CDC42BPA: variants seen among roughly 807,000 people sequenced by gnomAD.
The protein encoded by CDC42BPA is CDC42 binding protein kinase alpha.
A neutral mutation model predicts 223.5 loss-of-function variants in CDC42BPA; 80 were observed. That is an observed-to-expected ratio of 0.36 (90% CI 0.30 to 0.43). The LOEUF is 0.43. CDC42BPA is among the 20% of genes least tolerant of loss of function. The pLI is 1.00. For missense variants in CDC42BPA, 1,743 were observed against 2,099.9 expected (o/e 0.83, Z 3.32); for synonymous variants, 694 against 718.6 (o/e 0.97, Z 0.55).
At chr1:227,241,396 T>A (rs899303770) in intron 2 of CDC42BPA, among the ~76,000 whole-genome samples, 3 of 152,078 alleles carry the variant, frequency 2.0e-5, no homozygotes, top group African/African-American at 7.2e-5. Context: ...TAGGAGAATA[T>A]TCATATCAGC....
intron 4 of CDC42BPA, among the ~76,000 whole-genome samples, chr1:227,195,309 T>G (rs1222604446): frequency 2.6e-5 from 4 of 152,106 alleles, no homozygotes. Flanking sequence ...TTCTCATGCC[T>G]CAGCTTCCCA....
Position 227,112,790 on chromosome 1 carries a change from T to C in CDC42BPA, c.1771A>G (p.Thr591Ala), listed in dbSNP as rs1157009073. Residue 591 changes from threonine (T) to alanine (A), a missense_variant, in exon 13 of 37, where the codon ACC (threonine) becomes GCC (alanine). Around this residue, in one of 6 missense-constraint regions of CDC42BPA, gnomAD observed 464 missense variants for 488.0 expected, o/e 0.95. Transcript: ENST00000366766. ...TGGCGAGCAAGTTTCTGTTTTTGGG[T>C]GTGCAATTCTGTTAGCCGCTCATTG... ...EINERLTELHTQKQKLARHVR... is the reference protein window; with the variant it reads ...EINERLTELHAQKQKLARHVR... 3.7e-6 allele frequency: 6 copies of C among 1,614,110 alleles called. No homozygotes were observed. Among genetic ancestry groups the C allele is most frequent in the Middle Eastern group, 1.6e-4 (1 of 6,062 alleles).
At chr1:227,104,786 T>C (rs555398451) in intron 14 of CDC42BPA, among the ~76,000 whole-genome samples, 1 of 151,978 alleles carries the variant, frequency 6.6e-6, no homozygotes, top group Non-Finnish European at 1.5e-5. Context: ...GAGATCAGGG[T>C]GATGTATCTT....
intron 17 of CDC42BPA, 93 bp downstream of exon 17, chr1:227,080,800 A>G: frequency 7.2e-7 from 1 of 1,386,660 alleles, no homozygotes; most frequent in Non-Finnish European, 1.0e-6. Context: ...GACAAATGAG[A>G]TAAAAACCAT....
chr1:227,270,136 A>C (rs575446735), intron 1 of CDC42BPA, among the ~76,000 whole-genome samples: 2 of 152,328 alleles, frequency 1.3e-5, no homozygotes, highest in African/African-American at 4.8e-5. Context: ...AAGTAGACCC[A>C]CATGAATTAA....
At chr1:227,210,630 A>G (rs1033322761) in intron 3 of CDC42BPA, among the ~76,000 whole-genome samples, 9 of 152,180 alleles carry the variant, frequency 5.9e-5, no homozygotes, top group Non-Finnish European at 1.3e-4. Flanking sequence ...CCTTTTCACA[A>G]TTCTTCCCCA....
intron 5 of CDC42BPA, among the ~76,000 whole-genome samples, chr1:227,169,254 G>A (rs535797613): frequency 6.6e-6 from 1 of 152,162 alleles, no homozygotes; most frequent in East Asian, 1.9e-4. Flanking sequence ...TTCTACATCT[G>A]GGTCATTTCA....
At chr1:227,205,621 TAAC>T (rs142429108) in intron 3 of CDC42BPA, among the ~76,000 whole-genome samples, 2,397 of 152,206 alleles carry the variant, frequency 0.016, 66 homozygotes, top group African/African-American at 0.053. Flanking sequence ...CAAACAAGGA[TAAC>T]AACAATAGAA....
At chr1:227,085,098 A>G (rs12117207) in intron 16 of CDC42BPA, among the ~76,000 whole-genome samples, 21,755 of 151,864 alleles carry the variant, frequency 0.14, 2,043 homozygotes, top group South Asian at 0.34. Context: ...AGCTTGCCCA[A>G]TGCAGATCTC....
intron 10 of CDC42BPA, among the ~76,000 whole-genome samples, chr1:227,136,918 A>G (rs772552018): frequency 1.3e-5 from 2 of 152,176 alleles, no homozygotes; most frequent in Non-Finnish European, 2.9e-5. Context: ...TAGGCTAAAG[A>G]AAAATGATTC....
chr1:227,230,816 C>CTTTTTTTTTTTTTTTTTTTTTTT lies in CDC42BPA; in HGVS notation c.271-17598_271-17597insAAAAAAAAAAAAAAAAAAAAAAA, dbSNP rs34787332. Among the ~76,000 whole-genome samples the CTTTTTTTTTTTTTTTTTTTTTTT allele has an allele frequency of 2.2e-3, 117 of 54,054 alleles. 8 individuals carry two copies. Among genetic ancestry groups the CTTTTTTTTTTTTTTTTTTTTTTT allele is most frequent in the Non-Finnish European group, 3.0e-3 (79 of 26,042 alleles). 35.5% of individuals were successfully genotyped at this position (54,054 alleles called of 152,430 possible). ...ACTGATTTCTATTTCTTTTTTCTTT[C>CTTTTTTTTTTTTTTTTTTTTTTT]TTTCTTTTTTTTTTTTTTTTTTTGA... On this transcript the variant is annotated intron_variant, in intron 2 of 36. Transcript: ENST00000366766.
Position 227,139,606 on chromosome 1 carries a change from C to T in CDC42BPA, c.1360G>A (p.Glu454Lys). The T allele has an allele frequency of 6.2e-7, 1 of 1,600,052 alleles. No individual in the cohort carries two copies. Among genetic ancestry groups the T allele is most frequent in the Non-Finnish European group, 8.5e-7 (1 of 1,175,448 alleles). Residue 454 changes from glutamate to lysine, a missense_variant, in exon 10 of 37, where the codon GAA becomes AAA. Coordinates refer to ENST00000366766, the MANE Select transcript of CDC42BPA (RefSeq NM_001394014.1). Reference sequence around the variant, plus strand: ...AGTTTTCTACTGAGTTCAAGTTTTTCTTGCTCAAGGCGCTTAATTCTTCTT... The same window carrying T: ...AGTTTTCTACTGAGTTCAAGTTTTTTTTGCTCAAGGCGCTTAATTCTTCTT... ...YERRIKRLEQ[E>K]KLELSRKLQE...
chr1:227,179,632 T>C (rs1465478516), intron 5 of CDC42BPA, among the ~76,000 whole-genome samples: 4 of 1,758 alleles, frequency 2.3e-3, no homozygotes, highest in Non-Finnish European at 5.1e-3. Flanking sequence ...CGAGCCTCCA[T>C]CTCAAAAAAA....
At chr1:227,314,199 T>C (rs1693991671) in intron 1 of CDC42BPA, among the ~76,000 whole-genome samples, 1 of 152,098 alleles carries the variant, frequency 6.6e-6, no homozygotes, top group South Asian at 2.1e-4. Flanking sequence ...ACATCGACTA[T>C]TACTGTATAC....
intron 5 of CDC42BPA, among the ~76,000 whole-genome samples, chr1:227,192,738 T>A (rs1045574995): frequency 2.0e-5 from 3 of 152,160 alleles, no homozygotes; most frequent in African/African-American, 7.2e-5. Context: ...CTGGTATTTT[T>A]AAAATTTTTA....
At chr1:227,172,977 C>A (rs1199273106) in intron 5 of CDC42BPA, among the ~76,000 whole-genome samples, 1 of 152,124 alleles carries the variant, frequency 6.6e-6, no homozygotes, top group Non-Finnish European at 1.5e-5. Flanking sequence ...GTTAAAGGCT[C>A]CTCAGGATCT....
chr1:227,247,961 A>C (rs1425810576), intron 2 of CDC42BPA, among the ~76,000 whole-genome samples: 1 of 152,104 alleles, frequency 6.6e-6, no homozygotes, highest in Non-Finnish European at 1.5e-5. Context: ...TGACATGTTA[A>C]AGAATGTATC....
chr1:227,222,709 C>A (rs1676160221), intron 2 of CDC42BPA, among the ~76,000 whole-genome samples: 1 of 152,210 alleles, frequency 6.6e-6, no homozygotes. Flanking sequence ...CTTCTCCAAT[C>A]ACATTTCTAC....
intron 6 of CDC42BPA, among the ~76,000 whole-genome samples, chr1:227,149,524 T>C (rs879398806): frequency 2.0e-5 from 3 of 151,906 alleles, no homozygotes; most frequent in Non-Finnish European, 4.4e-5. Context: ...CTAACAACAA[T>C]CAGATCCACT....
Sources: gnomAD v4.1 joint callset for allele counts (sites outside exome capture counted in the v4.1 genomes callset) on GRCh38, gnomAD v4.1.1 for gene constraint, gnomAD v4.1.1 regional missense constraint, MANE v1.5 for transcripts, NCBI Gene and HGNC (gene_info 2026-07-23, HGNC 2026-07-21) for gene names.